The following MICU3 variants were observed in gnomAD, a reference collection of about 807,000 sequenced individuals.
MICU3 encodes mitochondrial calcium uptake 3, also known as calcium uptake protein 3, mitochondrial.
MICU3 carries 62 observed loss-of-function variants against 66.5 expected under a neutral mutation model. The ratio of observed to expected loss-of-function variants is 0.93; its 90% CI spans 0.76 to 1.15. MICU3 has a LOEUF of 1.15. Among genes scored for constraint, MICU3 ranks in the 50% most tolerant of loss-of-function variants. The pLI is 0.00. For missense variants in MICU3, 779 were observed against 664.4 expected, an observed-to-expected ratio of 1.17 and a Z score of -1.90; for synonymous variants, 308 against 240.7, an observed-to-expected ratio of 1.28 and a Z score of -2.59.
At chr8:17,029,307 C>G (rs373795584) in intron 1 of MICU3, among the ~76,000 whole-genome samples, 2 of 152,264 alleles carry the variant, frequency 1.3e-5, no homozygotes, top group South Asian at 4.1e-4. Flanking sequence ...GAAACCTCGT[C>G]TCTACTAAAA....
At chr8:17,066,534 T>TAG (rs1236862997) in intron 2 of MICU3, among the ~76,000 whole-genome samples, 34 of 130,560 alleles carry the variant, frequency 2.6e-4, no homozygotes, top group Admixed American at 1.6e-3. Flanking sequence ...TATATATATA[T>TAG]ATATATAGAT....
At chr8:17,109,887 T>C (rs1234905735) in intron 11 of MICU3, among the ~76,000 whole-genome samples, 2 of 152,224 alleles carry the variant, frequency 1.3e-5, no homozygotes, top group African/African-American at 2.4e-5. Flanking sequence ...ATTATTGTTA[T>C]TAAGCTTTAA....
In MICU3 at chr8:17,027,360, G is replaced by GTGGGGGCGGCC. The variant is rs767998769; in HGVS notation, c.84_94dup (p.Ala32GlyfsTer6). On this transcript the variant is annotated frameshift_variant, in exon 1 of 15. Coordinates refer to ENST00000318063, the MANE Select transcript of MICU3 (RefSeq NM_181723.3). LOFTEE classifies it high-confidence loss of function. ...GCGCTCACCAGCCCCTCCTTGGGCC[G>GTGGGGGCGGCC]TGGGGGCGGCCTGCGGTGACCACCC... 45 of 1,502,818 alleles carry GTGGGGGCGGCC rather than the reference G, an allele frequency of 3.0e-5. No individual in the cohort carries two copies. Among genetic ancestry groups the GTGGGGGCGGCC allele is most frequent in the Non-Finnish European group, 3.9e-5 (44 of 1,135,370 alleles). 93.1% of individuals were successfully genotyped at this position (1,502,818 alleles called of 1,614,324 possible).
rs1321062004 is a variant in MICU3 at position 17,056,069 on chromosome 8, CATT to C, written c.382-8010_382-8008del. Among the ~76,000 whole-genome samples, 4 of 152,292 alleles carry C rather than the reference CATT, an allele frequency of 2.6e-5. No homozygotes were observed. In the South Asian group the frequency reaches 8.3e-4, roughly 32 times the overall value. ...GATTAATAGCTAATTGGCTGCTTGACATTATTAATGTAACTGATTGATCCCTGT... is the reference window on the plus strand; with the variant it reads ...GATTAATAGCTAATTGGCTGCTTGACATTAATGTAACTGATTGATCCCTGT... On this transcript the variant is annotated intron_variant, in intron 1 of 14. Coordinates refer to ENST00000318063, the MANE Select transcript of MICU3 (RefSeq NM_181723.3).
intron 1 of MICU3, among the ~76,000 whole-genome samples, chr8:17,057,964 C>T (rs1679574697): frequency 6.6e-6 from 1 of 152,058 alleles, no homozygotes; most frequent in Admixed American, 6.6e-5. Context: ...TCTCCTGCCT[C>T]AGCTCCCCAA....
chr8:17,124,646 C>A (rs935733446), downstream of MICU3, among the ~76,000 whole-genome samples: 4 of 151,722 alleles, frequency 2.6e-5, no homozygotes, highest in Non-Finnish European at 5.9e-5. Flanking sequence ...TGGAATAGAG[C>A]ATAAACCTCC....
At chr8:17,128,436 A>G in the MICU3 span, among the ~76,000 whole-genome samples, 3 of 152,368 alleles carry the variant, frequency 2.0e-5, no homozygotes, top group African/African-American at 7.2e-5. Context: ...CTGAATACAA[A>G]ATACAGAATA....
At chr8:17,091,063 A>G (rs1316704528) in intron 8 of MICU3, among the ~76,000 whole-genome samples, 1 of 151,768 alleles carries the variant, frequency 6.6e-6, no homozygotes, top group East Asian at 1.9e-4. Context: ...GTTTCCTGCC[A>G]TTTCCTCTGC....
intron 1 of MICU3, among the ~76,000 whole-genome samples, chr8:17,046,213 G>C (rs922552498): frequency 1.3e-5 from 2 of 152,138 alleles, no homozygotes; most frequent in African/African-American, 4.8e-5. Flanking sequence ...CTTGGGAACT[G>C]AGCCCTTAAC....
intron 3 of MICU3, among the ~76,000 whole-genome samples, chr8:17,072,091 G>T (rs985735818): frequency 6.6e-6 from 1 of 151,702 alleles, no homozygotes; most frequent in African/African-American, 2.4e-5. Context: ...ATTCTGAAAA[G>T]GAAAGAGGGA....
At chr8:17,047,471 C>T (rs1815281735) in intron 1 of MICU3, among the ~76,000 whole-genome samples, 1 of 152,032 alleles carries the variant, frequency 6.6e-6, no homozygotes, top group Non-Finnish European at 1.5e-5. Context: ...TGAAAAGTTC[C>T]CAGGAAGGAA....
chr8:17,124,269 C>G (rs1803346443), downstream of MICU3, among the ~76,000 whole-genome samples: 1 of 152,056 alleles, frequency 6.6e-6, no homozygotes, highest in Non-Finnish European at 1.5e-5. Flanking sequence ...CCTTATACAT[C>G]TTTCCCTAGA....
intron 1 of MICU3, among the ~76,000 whole-genome samples, chr8:17,043,312 C>A (rs1275580295): frequency 6.6e-6 from 1 of 152,150 alleles, no homozygotes; most frequent in South Asian, 2.1e-4. Context: ...TTTAAGCTAG[C>A]TCCAACCTAT....
At chr8:17,071,560 A>G (rs1819589244) in intron 3 of MICU3, among the ~76,000 whole-genome samples, 1 of 152,156 alleles carries the variant, frequency 6.6e-6, no homozygotes, top group African/African-American at 2.4e-5. Context: ...TCAACATATG[A>G]ATCGGGGAGA....
chr8:17,077,603 G>A (rs950415576), intron 3 of MICU3, among the ~76,000 whole-genome samples, 180 bp from the exon 4 acceptor site: 3 of 152,038 alleles, frequency 2.0e-5, no homozygotes, highest in Admixed American at 6.6e-5. Context: ...TTTTATGTTT[G>A]AACTGTGGGC....
intron 14 of MICU3, 42 bp from the exon 15 acceptor site, chr8:17,120,246 C>CTAAATAAATATTGCTT (rs1803100696): frequency 6.6e-6 from 1 of 151,872 alleles, no homozygotes; most frequent in African/African-American, 2.4e-5. Flanking sequence ...GAATTATATC[C>CTAAATAAATATTGCTT]TAAATAAATA....
intron 5 of MICU3, among the ~76,000 whole-genome samples, chr8:17,082,368 A>G (rs2150727521): frequency 6.6e-6 from 1 of 152,226 alleles, no homozygotes; most frequent in African/African-American, 2.4e-5. Context: ...GATAATAAAC[A>G]TCATTTAGGT....
intron 1 of MICU3, among the ~76,000 whole-genome samples, chr8:17,037,693 T>A (rs1813279501): frequency 6.6e-6 from 1 of 152,064 alleles, no homozygotes; most frequent in African/African-American, 2.4e-5. Flanking sequence ...CCCAGAATGG[T>A]AAATCCACCA....
intron 1 of MICU3, among the ~76,000 whole-genome samples, chr8:17,061,062 T>C (rs1476443703): frequency 6.6e-6 from 1 of 152,164 alleles, no homozygotes; most frequent in African/African-American, 2.4e-5. Flanking sequence ...TCTGCATGTT[T>C]TCTCTCACTT....
Sources: allele counts gnomAD v4.1 joint callset (sites outside exome capture counted in the v4.1 genomes callset), GRCh38; gene constraint gnomAD v4.1.1; transcripts MANE v1.5; gene names NCBI Gene and HGNC (gene_info 2026-07-23, HGNC 2026-07-21).